EDEM2: variants seen among roughly 807,000 people sequenced by gnomAD.
The protein encoded by EDEM2 is ER degradation enhancing alpha-mannosidase like protein 2, also known as ER degradation-enhancing alpha-mannosidase-like protein 2.
In EDEM2, 39 loss-of-function variants were observed where a neutral mutation model predicts 64.8. The observed-to-expected ratio is 0.60, with a 90% CI of 0.47 to 0.79. EDEM2 has a LOEUF of 0.79. Among genes scored for constraint, EDEM2 ranks in the 30% least tolerant of loss-of-function variants. The pLI, the probability that EDEM2 is intolerant of heterozygous loss-of-function variation, is 0.00. For synonymous variants in EDEM2, 296 were observed against 291.5 expected, an observed-to-expected ratio of 1.02 and a Z score of -0.16; for missense variants, 609 against 731.3, an observed-to-expected ratio of 0.83 and a Z score of 1.93.
intron 8 of EDEM2, 33 bp downstream of exon 8, chr20:35,126,218 A>G (rs2085430112): frequency 3.7e-6 from 6 of 1,606,068 alleles, no homozygotes; most frequent in Non-Finnish European, 5.1e-6. Context: ...CCAGACTCAT[A>G]GAAAGATGAT....
chr20:35,124,384 AC>A (rs993794043), intron 8 of EDEM2, among the ~76,000 whole-genome samples: 1 of 152,052 alleles, frequency 6.6e-6, no homozygotes, highest in Non-Finnish European at 1.5e-5. Flanking sequence ...CCCACACCAC[AC>A]CCCCAAAAGA....
At chr20:35,115,991 C>G in intron 10 of EDEM2, 58 bp from the exon 11 acceptor site, 1 of 1,566,630 alleles carries the variant, frequency 6.4e-7, no homozygotes, top group Non-Finnish European at 8.7e-7. Flanking sequence ...TAGTAAGGGT[C>G]AGGCAATCCC....
At chr20:35,139,346 T>C (rs2085620862) in intron 4 of EDEM2, among the ~76,000 whole-genome samples, 1 of 117,312 alleles carries the variant, frequency 8.5e-6, no homozygotes. Context: ...TGAGACTCCG[T>C]CTCAAAAAAA....
chr20:35,115,939 A>C lies in EDEM2; in HGVS notation c.1237-6T>G. 1 of 1,611,350 alleles carries C rather than the reference A, an allele frequency of 6.2e-7. No individual in the cohort carries two copies. The highest frequency in any genetic ancestry group is 8.5e-7 in the Non-Finnish European group (1 of 1,178,194). On this transcript the variant is annotated splice_region_variant and splice_polypyrimidine_tract_variant and intron_variant, in intron 10 of 10. Coordinates refer to ENST00000374492, the MANE Select transcript of EDEM2 (RefSeq NM_018217.3). The stretch of plus-strand genomic sequence containing the variant: ...TGGTCTCGCAGATCTTTGATCTGAC[A>C]TGTGGGAGAAGGAAGCAAGCTGGAA...
At chr20:35,117,720 G>A (rs1026314671) in intron 10 of EDEM2, among the ~76,000 whole-genome samples, 3 of 152,148 alleles carry the variant, frequency 2.0e-5, no homozygotes, top group Admixed American at 1.3e-4. Context: ...GGCTTTTCAG[G>A]GGATTTTCTT....
chr20:35,137,997 C>T lies in EDEM2; in HGVS notation c.373G>A (p.Gly125Arg). Reference sequence around the variant, plus strand: ...GAGAGCAGATGAGCAGACAGGAGTCCTCCTACCACTACAGATGGCACAGAA... The same window carrying T: ...GAGAGCAGATGAGCAGACAGGAGTCTTCCTACCACTACAGATGGCACAGAA... ...VFETNIRVVGGLLSAHLLSKK... is the reference protein window; with the variant it reads ...VFETNIRVVGRLLSAHLLSKK... The change falls in exon 5 of 11, where the codon GGA becomes AGA. Residue 125 changes from glycine (G) to arginine (R), a missense_variant. By Grantham distance (125) the Gly-to-Arg change is moderately radical (BLOSUM62 -2). Transcript: ENST00000374492. The T allele has an allele frequency of 1.2e-6, 2 of 1,614,092 alleles. No homozygotes were observed. The highest frequency in any genetic ancestry group is 2.2e-5 in the East Asian group (1 of 44,880).
At chr20:35,133,007 A>T (rs1244838764) in intron 6 of EDEM2, among the ~76,000 whole-genome samples, 2 of 152,158 alleles carry the variant, frequency 1.3e-5, no homozygotes, top group Admixed American at 1.3e-4. Flanking sequence ...AAACACCAGT[A>T]GAGGAGGGGG....
At chr20:35,130,251 G>A (rs2085490193) in intron 7 of EDEM2, among the ~76,000 whole-genome samples, 1 of 151,488 alleles carries the variant, frequency 6.6e-6, no homozygotes, top group South Asian at 2.1e-4. Flanking sequence ...TTTATTTTTT[G>A]TAGAGACGAG....
intron 3 of EDEM2, among the ~76,000 whole-genome samples, chr20:35,144,289 G>A (rs2085698869): frequency 6.6e-6 from 1 of 152,112 alleles, no homozygotes. Flanking sequence ...ATACATGTCT[G>A]TACTAAGCCC....
chr20:35,126,486 T>A, intron 7 of EDEM2, 111 bp from the exon 8 acceptor site: 1 of 1,329,606 alleles, frequency 7.5e-7, no homozygotes, highest in African/African-American at 1.4e-5. Context: ...CAGGATGCAA[T>A]GAGGCAAGGA....
chr20:35,116,054 T>A, intron 10 of EDEM2, 121 bp from the exon 11 acceptor site: 1 of 1,107,376 alleles, frequency 9.0e-7, no homozygotes, highest in African/African-American at 1.6e-5. Context: ...AGCAAATCAC[T>A]GAACTTTTCA....
chr20:35,143,742 G>A, intron 3 of EDEM2, among the ~76,000 whole-genome samples: 1 of 151,968 alleles, frequency 6.6e-6, no homozygotes, highest in East Asian at 1.9e-4. Context: ...TTTGAGACAG[G>A]GTCTTGCTCT....
At chr20:35,127,571 A>T (rs1288244588) in intron 7 of EDEM2, among the ~76,000 whole-genome samples, 1 of 152,246 alleles carries the variant, frequency 6.6e-6, no homozygotes, top group East Asian at 1.9e-4. Context: ...AGTACCAAAT[A>T]TACATGCAAA....
intron 8 of EDEM2, 111 bp downstream of exon 8, chr20:35,126,140 C>G: frequency 7.0e-7 from 1 of 1,423,452 alleles, no homozygotes; most frequent in Non-Finnish European, 9.4e-7. Context: ...CCTGTCCCTC[C>G]AAAAAAAGTA....
chr20:35,137,408 G>C (rs2085591838), intron 5 of EDEM2, among the ~76,000 whole-genome samples: 1 of 152,176 alleles, frequency 6.6e-6, no homozygotes, highest in Non-Finnish European at 1.5e-5. Flanking sequence ...GACAGAACAA[G>C]ACTCCATCAC....
chr20:35,139,228 C>T lies in EDEM2; in HGVS notation c.365-1223G>A, dbSNP rs1022711173. ...AGCTGGGCGTGGTGGCAAGCGCCTG[C>T]AGTCCCAGCTACTTGGGAAGCTGAG... On this transcript the variant is annotated intron_variant, in intron 4 of 10. Coordinates refer to ENST00000374492, the MANE Select transcript of EDEM2 (RefSeq NM_018217.3). Among the ~76,000 whole-genome samples, 3 of 151,882 alleles carry T rather than the reference C, an allele frequency of 2.0e-5. No individual in the cohort carries two copies. In the East Asian group the frequency reaches 5.8e-4, roughly 30 times the overall value.
In EDEM2 at chr20:35,131,716, A is replaced by T; in HGVS notation, c.770T>A (p.Val257Glu). ...VAQDAGIGAGVDSYFEYLVKG... is the reference protein window; with the variant it reads ...VAQDAGIGAGEDSYFEYLVKG... ...CACCAAGTACTCAAAGTAGGAGTCC[A>T]CGCCAGCCCCGATGCCTGCGTCCTG... Residue 257 changes from valine to glutamate, a missense_variant, in exon 7 of 11, where the codon GTG becomes GAG. Coordinates refer to ENST00000374492, the MANE Select transcript of EDEM2 (RefSeq NM_018217.3). The T allele has an allele frequency of 6.2e-7, 1 of 1,614,240 alleles. No homozygotes were observed. The highest frequency in any genetic ancestry group is 8.5e-7 in the Non-Finnish European group (1 of 1,180,046).
chr20:35,125,535 C>T (rs1316984386), intron 8 of EDEM2, among the ~76,000 whole-genome samples: 1 of 151,990 alleles, frequency 6.6e-6, no homozygotes, highest in African/African-American at 2.4e-5. Context: ...CAGGCGCCCA[C>T]CACCACGCCC....
At chr20:35,128,953 A>G (rs2085472352) in intron 7 of EDEM2, among the ~76,000 whole-genome samples, 1 of 139,844 alleles carries the variant, frequency 7.2e-6, no homozygotes, top group South Asian at 2.3e-4. Flanking sequence ...TAAAAAAGTT[A>G]CAGTAAGCTA....
Sources: gnomAD v4.1 joint callset for allele counts (sites outside exome capture counted in the v4.1 genomes callset) on GRCh38, gnomAD v4.1.1 for gene constraint, MANE v1.5 for transcripts, NCBI Gene and HGNC (gene_info 2026-07-23, HGNC 2026-07-21) for gene names.